The following ZBTB41 variants were observed in gnomAD, a reference collection of about 807,000 sequenced individuals.
ZBTB41 encodes zinc finger and BTB domain containing 41.
ZBTB41 carries 42 observed loss-of-function variants against 87.6 expected under a neutral mutation model. That is an observed-to-expected ratio of 0.48 (90% confidence interval 0.37 to 0.62). ZBTB41 has a LOEUF of 0.62. Among genes scored for constraint, ZBTB41 ranks in the 20% least tolerant of loss-of-function variants. The pLI, the probability that ZBTB41 is intolerant of heterozygous loss-of-function variation, is 0.00. For missense variants in ZBTB41, 799 were observed against 1,078.9 expected, an observed-to-expected ratio of 0.74 and a Z score of 3.63; for synonymous variants, 364 against 364.0, an observed-to-expected ratio of 1.00 and a Z score of 0.00.
intron 10 of ZBTB41, among the ~76,000 whole-genome samples, chr1:197,167,249 G>A (rs1044190318): frequency 6.6e-6 from 1 of 152,168 alleles, no homozygotes; most frequent in Non-Finnish European, 1.5e-5. Flanking sequence ...AGGCTGGAGT[G>A]CAGTGGTGCC....
At position 197,157,689 on chromosome 1, in the gene ZBTB41, T is replaced by G. The variant is rs1429506079; in HGVS notation, c.*1670A>C. 6.6e-6 allele frequency: 1 copy of G among 152,360 alleles called. No individual in the cohort carries two copies. The highest frequency in any genetic ancestry group is 1.9e-4 in the East Asian group (1 of 5,200). 9.4% of individuals were successfully genotyped at this position (152,360 alleles called of 1,614,324 possible). ...CTAAACTCAGATTGGTTTTATTATT[T>G]ATATGAGCTACTTTGGTTAACTGCC... On this transcript the variant is annotated 3_prime_UTR_variant, in exon 11 of 11. Transcript: ENST00000367405.
At chr1:197,193,518 A>G (rs2125140064) in intron 2 of ZBTB41, among the ~76,000 whole-genome samples, 1 of 152,358 alleles carries the variant, frequency 6.6e-6, no homozygotes, top group South Asian at 2.1e-4. Flanking sequence ...ATAAACATGG[A>G]TACATCTGAT....
In ZBTB41 at chr1:197,154,216, G is replaced by C. The variant is rs918421349; in HGVS notation, c.*5143C>G. 2 of 152,502 alleles carry C rather than the reference G, an allele frequency of 1.3e-5. No homozygotes were observed. Among genetic ancestry groups the C allele is most frequent in the African/African-American group, 2.4e-5 (1 of 41,442 alleles). 9.4% of individuals were successfully genotyped at this position (152,502 alleles called of 1,614,324 possible). On this transcript the variant is annotated 3_prime_UTR_variant, in exon 11 of 11. Transcript: ENST00000367405. ...AAGCAAAAAAATACGCAGTAACAAT[G>C]AGATGTGTACATCCTCTTCATTCAA...
At position 197,158,094 on chromosome 1, in the gene ZBTB41, A is replaced by T. The variant is rs1265076974; in HGVS notation, c.*1265T>A. On this transcript the variant is annotated 3_prime_UTR_variant, in exon 11 of 11. Coordinates refer to ENST00000367405, the MANE Select transcript of ZBTB41 (RefSeq NM_194314.3). ...TTAGTTTTTAGTTAAAATTGACTTG[A>T]AAATATGGAAAGTGCATGTCTTTAA... 1 of 152,458 alleles carries T rather than the reference A, an allele frequency of 6.6e-6. No individual in the cohort carries two copies. The highest frequency in any genetic ancestry group is 1.5e-5 in the Non-Finnish European group (1 of 67,898). The allele number at this position is 152,458 out of a possible 1,614,324, so 9.4% of individuals were successfully genotyped here. A position where few individuals can be genotyped will look rare whatever the true frequency, so the allele number is the denominator to read the frequency against.
chr1:197,173,828 G>A (rs914839272), intron 9 of ZBTB41, among the ~76,000 whole-genome samples: 4 of 152,058 alleles, frequency 2.6e-5, no homozygotes, highest in African/African-American at 4.8e-5. Context: ...CTCGACTGGG[G>A]GCAATTTTGC....
At chr1:197,176,283 T>C (rs4628533) in intron 8 of ZBTB41, among the ~76,000 whole-genome samples, 46,064 of 152,056 alleles carry the variant, frequency 0.3, 8,738 homozygotes, top group Middle Eastern at 0.45. Flanking sequence ...TATATCCATG[T>C]AATATGCAAA....
rs1159472633 is a variant in ZBTB41 at position 197,155,498 on chromosome 1, A to G, written c.*3861T>C. 3 of 152,368 alleles carry G rather than the reference A, an allele frequency of 2.0e-5. No homozygotes were observed. The highest frequency in any genetic ancestry group is 7.2e-5 in the African/African-American group (3 of 41,458). The allele number at this position is 152,368 out of a possible 1,614,324, so 9.4% of individuals were successfully genotyped here. On this transcript the variant is annotated 3_prime_UTR_variant, in exon 11 of 11. Transcript: ENST00000367405. Reference sequence around the variant, plus strand: ...GACTGGGTATAAAAGGACACTGTCAAAGAGCTACTGCTCAAAATCTGACAT... The same window carrying G: ...GACTGGGTATAAAAGGACACTGTCAGAGAGCTACTGCTCAAAATCTGACAT...
chr1:197,176,407 G>C (rs1169611606), intron 8 of ZBTB41, among the ~76,000 whole-genome samples, 157 bp downstream of exon 8: 1 of 152,022 alleles, frequency 6.6e-6, no homozygotes, highest in African/African-American at 2.4e-5. Context: ...CCTTTTGGAT[G>C]CTTTTTAAAA....
chr1:197,193,513 C>A (rs1343686741), intron 2 of ZBTB41, among the ~76,000 whole-genome samples: 1 of 152,070 alleles, frequency 6.6e-6, no homozygotes, highest in African/African-American at 2.4e-5. Flanking sequence ...CAAATATAAA[C>A]ATGGATACAT....
chr1:197,199,647 C>T lies in ZBTB41; in HGVS notation c.827G>A (p.Gly276Glu), dbSNP rs111407910. The T allele has an allele frequency of 2.5e-6, 4 of 1,612,950 alleles. No homozygotes were observed. In the African/African-American group the frequency reaches 4.0e-5, roughly 16 times the overall value. Residue 276 changes from glycine to glutamate, a missense_variant, in exon 2 of 11, where the codon GGG (glycine) becomes GAG (glutamate). Around this residue, in one of 5 missense-constraint regions of ZBTB41, gnomAD observed 294 missense variants for 340.1 expected, o/e 0.86. Transcript: ENST00000367405. ...ATTTTCTTGATTCAAATTGTCTGAC[C>T]CATCACCACTTTCCTGTTCATCATC... The part of the protein sequence containing the change: ...TSDDEQESGD[G>E]SDNLNQENFD...
chr1:197,159,162 T>C lies in ZBTB41; in HGVS notation c.*197A>G. Reference sequence around the variant, plus strand: ...TTTAAAAATCACAAAAATGTGCACTTCAAATATTATGCCAGAAATTTTGTC... The same window carrying C: ...TTTAAAAATCACAAAAATGTGCACTCCAAATATTATGCCAGAAATTTTGTC... On this transcript the variant is annotated 3_prime_UTR_variant, in exon 11 of 11. Transcript: ENST00000367405. 2 of 559,284 alleles carry C rather than the reference T, an allele frequency of 3.6e-6. No homozygotes were observed. Among genetic ancestry groups the C allele is most frequent in the Non-Finnish European group, 6.2e-6 (2 of 325,098 alleles). 34.6% of individuals were successfully genotyped at this position (559,284 alleles called of 1,614,324 possible). A position where few individuals can be genotyped will look rare whatever the true frequency, so the allele number is the denominator to read the frequency against.
At chr1:197,165,156 G>C (rs1158775697) in intron 10 of ZBTB41, among the ~76,000 whole-genome samples, 1 of 151,158 alleles carries the variant, frequency 6.6e-6, no homozygotes, top group East Asian at 1.9e-4. Flanking sequence ...GACAAGAGTA[G>C]AATTACACTA....
chr1:197,192,909 A>G (rs537970565), intron 2 of ZBTB41, among the ~76,000 whole-genome samples: 1 of 152,252 alleles, frequency 6.6e-6, no homozygotes, highest in Admixed American at 6.5e-5. Context: ...AACTGATTTT[A>G]TTAAGCAAGT....
intron 2 of ZBTB41, among the ~76,000 whole-genome samples, chr1:197,197,251 A>C (rs1303166186): frequency 6.6e-6 from 1 of 152,060 alleles, no homozygotes; most frequent in Admixed American, 6.6e-5. Context: ...ACCCAAGAAC[A>C]GGATTCCAAA....
At chr1:197,176,493 T>C (rs1659611049) in intron 8 of ZBTB41, 71 bp downstream of exon 8, 2 of 1,050,626 alleles carry the variant, frequency 1.9e-6, no homozygotes, top group South Asian at 1.4e-5. Context: ...AACATAAACA[T>C]AACATCATAT....
intron 6 of ZBTB41, among the ~76,000 whole-genome samples, chr1:197,179,602 T>C (rs1378957270): frequency 3.3e-5 from 5 of 152,018 alleles, no homozygotes; most frequent in South Asian, 2.1e-4. Flanking sequence ...ATGGTTACCA[T>C]AGGACATGAC....
At chr1:197,186,278 C>CA (rs35246227) in intron 5 of ZBTB41, among the ~76,000 whole-genome samples, 1,668 of 133,182 alleles carry the variant, frequency 0.013, 27 homozygotes, top group African/African-American at 0.042. Context: ...TATCCACAGA[C>CA]AAAAAAAAAA....
At chr1:197,192,019 C>A (rs1660050137) in intron 2 of ZBTB41, 120 bp from the exon 3 acceptor site, 1 of 671,748 alleles carries the variant, frequency 1.5e-6, no homozygotes, top group Non-Finnish European at 2.2e-6. Context: ...AATCCACACA[C>A]AAAACTAGAA....
chr1:197,187,710 C>G (rs965691058), intron 5 of ZBTB41, among the ~76,000 whole-genome samples: 10 of 151,920 alleles, frequency 6.6e-5, no homozygotes, highest in African/African-American at 2.4e-4. Context: ...TGGAAGAAGG[C>G]AACCTGAAAA....
Sources: gnomAD v4.1 joint callset for allele counts (sites outside exome capture counted in the v4.1 genomes callset) on GRCh38, gnomAD v4.1.1 for gene constraint, gnomAD v4.1.1 regional missense constraint, MANE v1.5 for transcripts, NCBI Gene and HGNC (gene_info 2026-07-23, HGNC 2026-07-21) for gene names.